ZRANB3: variants seen among roughly 807,000 people sequenced by gnomAD.
ZRANB3 encodes the protein DNA annealing helicase and endonuclease ZRANB3.
ZRANB3 carries 125 observed loss-of-function variants against 133.8 expected under a neutral mutation model. That is an observed-to-expected ratio of 0.93 (90% confidence interval 0.81 to 1.08). The LOEUF is 1.08. Among genes scored for constraint, ZRANB3 ranks in the 50% least tolerant of loss-of-function variants. ZRANB3 has a pLI of 0.00. For missense variants in ZRANB3, 1,229 were observed against 1,275.5 expected (o/e 0.96, Z 0.56); for synonymous variants, 387 against 432.7 (o/e 0.89, Z 1.31).
At chr2:135,304,673 A>T (rs1682590634) in intron 8 of ZRANB3, among the ~76,000 whole-genome samples, 1 of 152,062 alleles carries the variant, frequency 6.6e-6, no homozygotes, top group Non-Finnish European at 1.5e-5. Flanking sequence ...TGAGGCCTCA[A>T]ATTTTCATTA....
chr2:135,240,527 G>A (rs1346857416), intron 12 of ZRANB3, among the ~76,000 whole-genome samples: 1 of 152,180 alleles, frequency 6.6e-6, no homozygotes, highest in Admixed American at 6.5e-5. Context: ...CTAGAAATGA[G>A]TTGATTTTGT....
chr2:135,243,857 C>T (rs1040436371), intron 12 of ZRANB3, among the ~76,000 whole-genome samples: 1 of 151,644 alleles, frequency 6.6e-6, no homozygotes, highest in African/African-American at 2.4e-5. Context: ...TGGGCTCAAG[C>T]GATCCTTCTG....
intron 3 of ZRANB3, among the ~76,000 whole-genome samples, chr2:135,379,655 A>G (rs1476272262): frequency 6.6e-6 from 1 of 152,188 alleles, no homozygotes; most frequent in Non-Finnish European, 1.5e-5. Context: ...CACCTACTGA[A>G]GGAAGCACTA....
At chr2:135,464,223 G>A (rs1322490490) in intron 2 of ZRANB3, among the ~76,000 whole-genome samples, 1 of 152,070 alleles carries the variant, frequency 6.6e-6, no homozygotes, top group Non-Finnish European at 1.5e-5. Flanking sequence ...CCTTCAAAGG[G>A]GAAAAGTATA....
At chr2:135,288,528 C>T (rs571216463) in intron 8 of ZRANB3, among the ~76,000 whole-genome samples, 1 of 151,422 alleles carries the variant, frequency 6.6e-6, no homozygotes, top group Non-Finnish European at 1.5e-5. Flanking sequence ...GTGAATCCAT[C>T]TGGTCCTGAA....
chr2:135,530,613 C>A (rs1367040681), intron 1 of ZRANB3: 2 of 152,194 alleles, frequency 1.3e-5, no homozygotes, highest in Middle Eastern at 3.2e-3. Flanking sequence ...AACGGGACAA[C>A]GTGAAAGTAG....
intron 2 of ZRANB3, among the ~76,000 whole-genome samples, chr2:135,435,834 T>C (rs1689510022): frequency 6.6e-6 from 1 of 152,034 alleles, no homozygotes; most frequent in Non-Finnish European, 1.5e-5. Flanking sequence ...TTTAATGGGG[T>C]TATTTTTCTC....
chr2:135,362,746 C>T (rs931110332), intron 3 of ZRANB3, among the ~76,000 whole-genome samples: 1 of 152,164 alleles, frequency 6.6e-6, no homozygotes, highest in African/African-American at 2.4e-5. Flanking sequence ...GCCTCAGCCT[C>T]CAGAGTACCT....
intron 12 of ZRANB3, among the ~76,000 whole-genome samples, chr2:135,248,169 A>G (rs1334073367): frequency 6.6e-6 from 1 of 152,180 alleles, no homozygotes; most frequent in South Asian, 2.1e-4. Flanking sequence ...TAGTAGCCCT[A>G]CAGAAAACTG....
intron 2 of ZRANB3, among the ~76,000 whole-genome samples, chr2:135,490,103 G>C (rs931202371): frequency 2.0e-5 from 3 of 152,200 alleles, no homozygotes; most frequent in African/African-American, 7.2e-5. Flanking sequence ...AATCCAGTGA[G>C]TCCTCAGACT....
intron 3 of ZRANB3, among the ~76,000 whole-genome samples, chr2:135,366,463 A>C (rs963205084): frequency 6.6e-6 from 1 of 152,194 alleles, no homozygotes; most frequent in Non-Finnish European, 1.5e-5. Flanking sequence ...ATTGAGCCCT[A>C]ATGAGTTGAG....
chr2:135,231,936 C>G (rs184527012), intron 12 of ZRANB3, among the ~76,000 whole-genome samples: 1 of 152,128 alleles, frequency 6.6e-6, no homozygotes, highest in African/African-American at 2.4e-5. Context: ...GAGTGTCAGA[C>G]AGTGGGTGCA....
At chr2:135,363,553 C>T (rs1404812575) in intron 3 of ZRANB3, among the ~76,000 whole-genome samples, 1 of 151,824 alleles carries the variant, frequency 6.6e-6, no homozygotes, top group Non-Finnish European at 1.5e-5. Flanking sequence ...TCATTTTTTT[C>T]CACTTGCATT....
At chr2:135,456,029 T>C (rs556452066) in intron 2 of ZRANB3, among the ~76,000 whole-genome samples, 17 of 152,360 alleles carry the variant, frequency 1.1e-4, no homozygotes, top group African/African-American at 3.4e-4. Flanking sequence ...ATTAATTTTA[T>C]TTGTTTAGTT....
chr2:135,200,137 G>T lies in ZRANB3; in HGVS notation c.*205C>A. 1.6e-6 allele frequency: 1 copy of T among 640,694 alleles called. No homozygotes were observed. The highest frequency in any genetic ancestry group is 2.8e-6 in the Non-Finnish European group (1 of 357,840). 39.7% of individuals were successfully genotyped at this position (640,694 alleles called of 1,614,324 possible). A position where few individuals can be genotyped will look rare whatever the true frequency, so the allele number is the denominator to read the frequency against. On this transcript the variant is annotated 3_prime_UTR_variant, in exon 21 of 21. Coordinates refer to ENST00000264159, the MANE Select transcript of ZRANB3 (RefSeq NM_032143.4). ...TCTGAATCAAATCAAAAAGACCACA[G>T]AAATATTCAGTATTGTATCTTAGTT...
intron 2 of ZRANB3, among the ~76,000 whole-genome samples, chr2:135,472,342 T>C (rs1038176981): frequency 4.0e-5 from 6 of 151,784 alleles, no homozygotes; most frequent in South Asian, 2.1e-4. Context: ...CTACTAAAAA[T>C]ACAAAAATAT....
intron 5 of ZRANB3, among the ~76,000 whole-genome samples, chr2:135,347,796 C>A (rs1003483569): frequency 6.6e-6 from 1 of 152,012 alleles, no homozygotes; most frequent in Non-Finnish European, 1.5e-5. Flanking sequence ...CACAACATAC[C>A]AAAACATGAG....
chr2:135,399,109 C>A (rs1043669001), intron 2 of ZRANB3, among the ~76,000 whole-genome samples: 2 of 152,130 alleles, frequency 1.3e-5, no homozygotes, highest in South Asian at 4.1e-4. Context: ...CATTGATTTA[C>A]TTGAACGGCC....
intron 8 of ZRANB3, among the ~76,000 whole-genome samples, chr2:135,298,834 T>C (rs1018058735): frequency 2.0e-5 from 3 of 152,220 alleles, no homozygotes; most frequent in African/African-American, 7.2e-5. Context: ...ATGTACAGAC[T>C]GAGGATCTCA....
Sources: allele counts gnomAD v4.1 joint callset (sites outside exome capture counted in the v4.1 genomes callset), GRCh38; gene constraint gnomAD v4.1.1; transcripts MANE v1.5; gene names NCBI Gene and HGNC (gene_info 2026-07-23, HGNC 2026-07-21).